The following NPC1L1 variants were observed in gnomAD, a reference collection of about 807,000 sequenced individuals.
NPC1L1 encodes NPC1-like intracellular cholesterol transporter 1.
NPC1L1 carries 98 observed loss-of-function variants against 117.0 expected under a neutral mutation model. The observed-to-expected ratio is 0.84, with a 90% CI of 0.71 to 0.99. The LOEUF is 0.99. Among genes scored for constraint, NPC1L1 ranks in the 50% least tolerant of loss-of-function variants. The pLI, the probability that NPC1L1 is intolerant of heterozygous loss-of-function variation, is 0.00. For synonymous variants in NPC1L1, 729 were observed against 727.6 expected (o/e 1.00, Z -0.03); for missense variants, 1,540 against 1,710.0 (o/e 0.90, Z 1.75).
chr7:44,538,901 G>C lies in NPC1L1; in HGVS notation c.1496C>G (p.Thr499Arg), dbSNP rs35803101. The C allele has an allele frequency of 1.2e-6, 2 of 1,614,222 alleles. No homozygotes were observed. The highest frequency in any genetic ancestry group is 1.7e-6 in the Non-Finnish European group (2 of 1,180,018). Residue 499 changes from threonine to arginine, a missense_variant, in exon 2 of 19, where the codon ACG becomes AGG. Thr to Arg is a moderately conservative substitution (Grantham distance 71). Around this residue, in one of 3 missense-constraint regions of NPC1L1, gnomAD observed 793 missense variants for 820.4 expected, o/e 0.97. Transcript: ENST00000381160. The surrounding 1 kb of genome is among the most constrained non-coding windows in gnomAD (Gnocchi z 5.9). ...SLLQYFQNNR[T>R]LLLLTANQTL... is the part of the protein sequence containing the mutation. The stretch of plus-strand genomic sequence containing the variant: ...CTGGTTGGCTGTGAGCAGCAGGAGC[G>C]TGCGGTTGTTCTGGAAATACTGCAG...
chr7:44,522,586 ACACT>A (rs1436872676), intron 10 of NPC1L1, among the ~76,000 whole-genome samples: 1 of 152,224 alleles, frequency 6.6e-6, no homozygotes. Flanking sequence ...ACAGACACAC[ACACT>A]CAGGGGTACC....
chr7:44,535,925 A>G lies in NPC1L1; in HGVS notation c.1898T>C (p.Leu633Pro), dbSNP rs747110419. The G allele has an allele frequency of 2.5e-6, 4 of 1,613,522 alleles. No homozygotes were observed. The Admixed American group carries it at 6.7e-5, about 27-fold the overall frequency. ...AATGTAGCTGGTGGCAAAGATGGGC[A>G]GGTCTTCAGCTGTGGTGCGATTGAT... ...DEINRTTAED[L>P]PIFATSYIVI... The change falls in exon 5 of 19, where the codon CTG becomes CCG. Residue 633 changes from leucine (L) to proline (P), a missense_variant. Transcript: ENST00000381160.
chr7:44,535,803 G>A (rs1333315368), intron 5 of NPC1L1, 37 bp downstream of exon 5: 1 of 1,611,740 alleles, frequency 6.2e-7, no homozygotes, highest in East Asian at 2.2e-5. Context: ...TGGGGTCCTG[G>A]GCTAGCCCAC....
rs777395105 is a variant in NPC1L1, at chr7:44,540,128, C to G, written c.269G>C (p.Cys90Ser). The G allele has an allele frequency of 2.5e-6, 4 of 1,614,148 alleles. No individual in the cohort carries two copies. In the Admixed American group the frequency reaches 5.0e-5, roughly 20 times the overall value. ...TGATACCAGCTGCTTGGCGGAGCAG[C>G]AGGCTTGGGTGTTGGGGCCGGTGTA... ...RLYTGPNTQA[C>S]CSAKQLVSLE... Residue 90 changes from cysteine (C) to serine (S), a missense_variant, in exon 2 of 19, where the codon TGC (cysteine) becomes TCC (serine). Cys to Ser is a moderately radical substitution (Grantham distance 112). Transcript: ENST00000381160.
intron 15 of NPC1L1, 35 bp from the exon 16 acceptor site, chr7:44,516,969 C>A: frequency 6.3e-7 from 1 of 1,583,600 alleles, no homozygotes; most frequent in Non-Finnish European, 8.6e-7. Context: ...CAGGCTCAGG[C>A]CTCTGGGGCC....
intron 13 of NPC1L1, 52 bp downstream of exon 13, chr7:44,520,940 T>G: frequency 6.2e-7 from 1 of 1,613,920 alleles, no homozygotes; most frequent in Non-Finnish European, 8.5e-7. Flanking sequence ...TTCAACCCCA[T>G]CCTGTGTCCC....
chr7:44,539,829 CA>C lies in NPC1L1; in HGVS notation c.567del (p.Cys189TrpfsTer48). ...TTGCAAAGGGCAGAGCCATACACGC[CA>C]CACATGGTGCCCACAGCCAGCGTGG... Reference protein sequence around the residue: ...AAATLAVGTMCGVYGSALCNA... With the variant: ...AAATLAVGTMXGVYGSALCNA... On this transcript the variant is annotated frameshift_variant, in exon 2 of 19. Transcript: ENST00000381160. LOFTEE classifies it high-confidence loss of function. The surrounding 1 kb of genome is among the most constrained non-coding windows in gnomAD (Gnocchi z 4.4). 1 of 1,614,158 alleles carries C rather than the reference CA, an allele frequency of 6.2e-7. No individual in the cohort carries two copies. Among genetic ancestry groups the C allele is most frequent in the Non-Finnish European group, 8.5e-7 (1 of 1,180,040 alleles).
At chr7:44,518,721 T>A in intron 14 of NPC1L1, 1 of 1,187,614 alleles carries the variant, frequency 8.4e-7, no homozygotes, top group Non-Finnish European at 1.1e-6. Flanking sequence ...CATGTGTATC[T>A]GAAAAAGAAA....
Position 44,538,835 on chromosome 7 carries a change from T to C in NPC1L1, c.1562A>G (p.His521Arg). Residue 521 changes from histidine (H) to arginine (R), a missense_variant, in exon 2 of 19, where the codon CAT (histidine) becomes CGT (arginine). By Grantham distance (29) the His-to-Arg change is conservative. Transcript: ENST00000381160. This position sits in a 1 kb window ranked among gnomAD's most constrained non-coding sequence, Gnocchi z 5.9. ...GQTSQVDWKDHFLYCANAPLT... is the reference protein window; with the variant it reads ...GQTSQVDWKDRFLYCANAPLT... ...GACTCACTTGGCACAGTACAGAAAA[T>C]GGTCCTTCCAGTCGACTTGGGAGGT... 1.2e-6 allele frequency: 2 copies of C among 1,614,070 alleles called. No homozygotes were observed. Among genetic ancestry groups the C allele is most frequent in the Non-Finnish European group, 1.7e-6 (2 of 1,180,008 alleles).
rs549816417 is a variant in NPC1L1, at chr7:44,539,056, C to T, written c.1341G>A (p.Leu447=). 3 of 1,614,042 alleles carry T rather than the reference C, an allele frequency of 1.9e-6. No individual in the cohort carries two copies. Among genetic ancestry groups the T allele is most frequent in the Non-Finnish European group, 2.5e-6 (3 of 1,179,946 alleles). ...DLDLLLELLE[L]QERLRHLQVW... ...CCTGGAGGTGCCGCAGCCTCTCCTG[C>T]AGCTCTAGCAGCTCCAGCAGCAAGT... Residue 447 remains leucine (L), a synonymous_variant, in exon 2 of 19, where the codon CTG becomes CTA. Coordinates refer to ENST00000381160, the MANE Select transcript of NPC1L1 (RefSeq NM_001101648.2). This position sits in a 1 kb window ranked among gnomAD's most constrained non-coding sequence, Gnocchi z 4.4.
chr7:44,516,203 G>T lies in NPC1L1; in HGVS notation c.3520-6C>A. 2 of 1,592,660 alleles carry T rather than the reference G, an allele frequency of 1.3e-6. No individual in the cohort carries two copies. The highest frequency in any genetic ancestry group is 1.7e-6 in the Non-Finnish European group (2 of 1,168,874). Reference sequence around the variant, plus strand: ...TCCACAGACATGCCCACCGCCTATGGGCAGAGAGGGGGCATAAGCCAAGAA... The same window carrying T: ...TCCACAGACATGCCCACCGCCTATGTGCAGAGAGGGGGCATAAGCCAAGAA... On this transcript the variant is annotated splice_polypyrimidine_tract_variant and splice_region_variant and intron_variant, in intron 16 of 18. Coordinates refer to ENST00000381160, the MANE Select transcript of NPC1L1 (RefSeq NM_001101648.2).
intron 14 of NPC1L1, 76 bp downstream of exon 14, chr7:44,520,689 G>C: frequency 8.1e-7 from 1 of 1,238,664 alleles, no homozygotes; most frequent in South Asian, 1.2e-5. Flanking sequence ...CATGTGACAG[G>C]CTGTTCCCTG....
At chr7:44,537,045 G>C in intron 2 of NPC1L1, 103 bp from the exon 3 acceptor site, 1 of 880,610 alleles carries the variant, frequency 1.1e-6, no homozygotes, top group South Asian at 1.7e-5. Flanking sequence ...CACTATGGAG[G>C]GTGAGCTGGT....
rs1383140754 is a variant in NPC1L1, at chr7:44,532,089, T to G, written c.2538A>C (p.Arg846=). Residue 846 remains arginine, a synonymous_variant, in exon 9 of 19, where the codon CGA becomes CGC. Transcript: ENST00000381160. ...TTCGAGGCCCACTCACCACAACACC[T>G]CGAGTGATCCAGTGCAGCAGGAAGG... is the stretch of plus-strand genomic sequence containing the variant. The part of the protein sequence containing the change: ...YAPFLLHWIT[R]GVVLLLFLAL... 2 of 1,613,828 alleles carry G rather than the reference T, an allele frequency of 1.2e-6. No homozygotes were observed.
Position 44,539,986 on chromosome 7 carries a change from G to C in NPC1L1, c.411C>G (p.Ile137Met). Residue 137 changes from isoleucine to methionine, a missense_variant, in exon 2 of 19, where the codon ATC becomes ATG. Around this residue, in one of 3 missense-constraint regions of NPC1L1, gnomAD observed 793 missense variants for 820.4 expected, o/e 0.97. Coordinates refer to ENST00000381160, the MANE Select transcript of NPC1L1 (RefSeq NM_001101648.2). This position sits in a 1 kb window ranked among gnomAD's most constrained non-coding sequence, Gnocchi z 4.4. ...NTCSPNQSLF[I>M]NVTRVAQLGA... is the part of the protein sequence containing the mutation. ...CTAGCTGGGCCACGCGGGTCACATT[G>C]ATGAAGAGGCTCTGATTGGGGCTGC... The C allele has an allele frequency of 6.2e-7, 1 of 1,614,240 alleles. No homozygotes were observed. The highest frequency in any genetic ancestry group is 8.5e-7 in the Non-Finnish European group (1 of 1,180,038).
chr7:44,517,787 C>T (rs1210244182), intron 14 of NPC1L1, among the ~76,000 whole-genome samples: 2 of 152,158 alleles, frequency 1.3e-5, no homozygotes, highest in Non-Finnish European at 2.9e-5. Flanking sequence ...AGGGCTCCTG[C>T]CAGATAAAGG....
chr7:44,540,131 G>T lies in NPC1L1; in HGVS notation c.266C>A (p.Ala89Asp). The T allele has an allele frequency of 1.9e-6, 3 of 1,614,158 alleles. No homozygotes were observed. Among genetic ancestry groups the T allele is most frequent in the Middle Eastern group, 1.6e-4 (1 of 6,062 alleles). ...TACCAGCTGCTTGGCGGAGCAGCAG[G>T]CTTGGGTGTTGGGGCCGGTGTAGAG... is the stretch of plus-strand genomic sequence containing the variant. ...PRLYTGPNTQ[A>D]CCSAKQLVSL... Residue 89 changes from alanine to aspartate, a missense_variant, in exon 2 of 19, where the codon GCC becomes GAC. Around this residue, in one of 3 missense-constraint regions of NPC1L1, gnomAD observed 793 missense variants for 820.4 expected, o/e 0.97. Transcript: ENST00000381160.
rs142329241 is a variant in NPC1L1 at position 44,515,084 on chromosome 7, C to T, written c.3796+719G>A. 2.2e-4 allele frequency among the ~76,000 whole-genome samples: 33 copies of T among 152,086 alleles called. No individual in the cohort carries two copies. The East Asian group carries it at 6.2e-3, about 28-fold the overall frequency. On this transcript the variant is annotated intron_variant, in intron 18 of 18. Transcript: ENST00000381160. ...AATTTAAAGTAAAATAAAAGCCAAG[C>T]GCAGTGGCTCACACCTGTAATCCTA...
chr7:44,529,381 CTTT>C (rs374200724), intron 10 of NPC1L1, among the ~76,000 whole-genome samples: 3 of 141,746 alleles, frequency 2.1e-5, no homozygotes, highest in Admixed American at 1.4e-4. Flanking sequence ...ACAAAATATA[CTTT>C]TTTTTTTTTT....
Sources: gnomAD v4.1 joint callset for allele counts (sites outside exome capture counted in the v4.1 genomes callset) on GRCh38, gnomAD v4.1.1 for gene constraint, gnomAD v4.1.1 regional missense constraint, Gnocchi (gnomAD v3.1) non-coding constraint, MANE v1.5 for transcripts, NCBI Gene and HGNC (gene_info 2026-07-23, HGNC 2026-07-21) for gene names.